The following FBLN2 variants were observed in gnomAD, a reference collection of about 807,000 sequenced individuals.
FBLN2 encodes the protein fibulin-2.
In FBLN2, 81 loss-of-function variants were observed where a neutral mutation model predicts 123.7. The observed-to-expected ratio is 0.65, with a 90% CI of 0.55 to 0.79. The LOEUF (loss-of-function observed/expected upper bound fraction) is 0.79, where lower values mean the gene tolerates loss of function less well. FBLN2 is among the 30% of genes least tolerant of loss of function. The pLI is 0.00. For missense variants in FBLN2, 1,603 were observed against 1,681.3 expected, an observed-to-expected ratio of 0.95 and a Z score of 0.81; for synonymous variants, 699 against 701.4, an observed-to-expected ratio of 1.00 and a Z score of 0.05.
At chr3:13,603,235 AG>A (rs201361135) in intron 2 of FBLN2, among the ~76,000 whole-genome samples, 2 of 101,192 alleles carry the variant, frequency 2.0e-5, no homozygotes, top group Admixed American at 9.0e-5. Context: ...TTTTTTTTTA[AG>A]TTTTTTTTTT....
chr3:13,550,982 C>A (rs1328226114), intron 1 of FBLN2, among the ~76,000 whole-genome samples: 3 of 152,210 alleles, frequency 2.0e-5, no homozygotes, highest in African/African-American at 7.2e-5. Flanking sequence ...TGAAAAGTCA[C>A]AAGGTCTGGT....
At position 13,617,846 on chromosome 3, in the gene FBLN2, A is replaced by G. The variant is rs1453735598; in HGVS notation, c.1730-230A>G. Among the ~76,000 whole-genome samples, 3 of 137,148 alleles carry G rather than the reference A, an allele frequency of 2.2e-5. No individual in the cohort carries two copies. In the Admixed American group the frequency reaches 2.2e-4, roughly 10 times the overall value. The allele number at this position is 137,148 out of a possible 152,430, so 90.0% of individuals were successfully genotyped here. On this transcript the variant is annotated intron_variant, in intron 5 of 17. Coordinates refer to ENST00000404922, the MANE Select transcript of FBLN2 (RefSeq NM_001004019.2). ...CATCCACCCATCCATCTACCCATCC[A>G]TCTATACCCATCCGTCTATCTATTT... is the stretch of plus-strand genomic sequence containing the variant.
intron 2 of FBLN2, among the ~76,000 whole-genome samples, chr3:13,579,498 C>T (rs1471481823): frequency 6.6e-6 from 1 of 152,254 alleles, no homozygotes; most frequent in African/African-American, 2.4e-5. Context: ...GTCAGTGCAA[C>T]TACAAGCATG....
chr3:13,552,014 T>C (rs1426390250), intron 1 of FBLN2, among the ~76,000 whole-genome samples: 1 of 152,166 alleles, frequency 6.6e-6, no homozygotes, highest in Non-Finnish European at 1.5e-5. Flanking sequence ...TAATTTTCTA[T>C]TTTTTGTAGA....
Position 13,570,464 on chromosome 3 carries a change from G to T in FBLN2, c.109G>T (p.Glu37Ter). The T allele has an allele frequency of 6.3e-7, 1 of 1,574,988 alleles. No homozygotes were observed. The highest frequency in any genetic ancestry group is 8.6e-7 in the Non-Finnish European group (1 of 1,161,564). ...AAPRQDCTGV[E>*]CPPLENCIEE... The stretch of plus-strand genomic sequence containing the variant: ...CCCTCGGCAGGACTGCACGGGCGTG[G>T]AGTGCCCGCCGCTGGAGAACTGCAT... Residue 37 changes from glutamate to a stop codon, truncating the protein, a stop_gained, in exon 2 of 18, where the codon GAG becomes TAG. Coordinates refer to ENST00000404922, the MANE Select transcript of FBLN2 (RefSeq NM_001004019.2). LOFTEE classifies it high-confidence loss of function.
At chr3:13,624,669 G>A (rs971882318) in intron 9 of FBLN2, among the ~76,000 whole-genome samples, 2 of 152,320 alleles carry the variant, frequency 1.3e-5, no homozygotes, top group Admixed American at 1.3e-4. Flanking sequence ...CTGAGAAGTG[G>A]CTCTGATGGT....
At chr3:13,628,130 A>T (rs1242710199) in intron 11 of FBLN2, among the ~76,000 whole-genome samples, 161 bp downstream of exon 11, 3 of 152,146 alleles carry the variant, frequency 2.0e-5, no homozygotes, top group African/African-American at 7.2e-5. Flanking sequence ...CAAGTGTTCA[A>T]CCCTGGGGGC....
intron 17 of FBLN2, among the ~76,000 whole-genome samples, chr3:13,636,885 C>T (rs957742937): frequency 5.3e-5 from 8 of 152,232 alleles, no homozygotes; most frequent in African/African-American, 1.9e-4. Flanking sequence ...TACTCTTTGT[C>T]ACGCAGTGTC....
intron 16 of FBLN2, among the ~76,000 whole-genome samples, chr3:13,635,741 T>A (rs1706438368): frequency 6.6e-6 from 1 of 152,190 alleles, no homozygotes; most frequent in Non-Finnish European, 1.5e-5. Context: ...CGCTGCTCCA[T>A]GCAGGCACTC....
rs1418931252 is a variant in FBLN2, at chr3:13,628,949, T to A, written c.2614T>A (p.Phe872Ile). 4 of 1,613,638 alleles carry A rather than the reference T, an allele frequency of 2.5e-6. No homozygotes were observed. The highest frequency in any genetic ancestry group is 3.4e-6 in the Non-Finnish European group (4 of 1,179,776). Residue 872 changes from phenylalanine to isoleucine, a missense_variant, in exon 12 of 18, where the codon TTC becomes ATC. By Grantham distance (21) the Phe-to-Ile change is conservative. Transcript: ENST00000404922. ...ACTGTCCGAGCCATGTCGGCCAGGC[T>A]TCAGCTGCATCAACACGGTGGGCTC... ...TSLSEPCRPG[F>I]SCINTVGSYT...
rs564107763 is a variant in FBLN2, at chr3:13,637,580, G to A, written c.3357G>A (p.Thr1119=). ...CCTGCAGGAAGTGCGAGCGCACCACGTGCCATGACTTCCTGGAGTGCCAGA... is the reference window on the plus strand; with the variant it reads ...CCTGCAGGAAGTGCGAGCGCACCACATGCCATGACTTCCTGGAGTGCCAGA... ...QVSKTKCERT[T]CHDFLECQNS... The change falls in exon 18 of 18, where the codon ACG becomes ACA. Residue 1119 remains threonine (T), a synonymous_variant. Coordinates refer to ENST00000404922, the MANE Select transcript of FBLN2 (RefSeq NM_001004019.2). The A allele has an allele frequency of 2.5e-6, 4 of 1,609,272 alleles. No individual in the cohort carries two copies. The highest frequency in any genetic ancestry group is 2.7e-5 in the African/African-American group (2 of 74,978).
chr3:13,635,027 C>T (rs1706407958), intron 16 of FBLN2, among the ~76,000 whole-genome samples: 1 of 152,184 alleles, frequency 6.6e-6, no homozygotes, highest in South Asian at 2.1e-4. Flanking sequence ...ATTTTGGCAT[C>T]AGGCATGCCT....
At chr3:13,585,461 T>G (rs762899101) in intron 2 of FBLN2, among the ~76,000 whole-genome samples, 2 of 152,184 alleles carry the variant, frequency 1.3e-5, no homozygotes, top group Non-Finnish European at 2.9e-5. Context: ...AGTCAAGCGC[T>G]GCATAATGAC....
At chr3:13,550,112 C>G (rs994410739) in intron 1 of FBLN2, among the ~76,000 whole-genome samples, 1 of 152,224 alleles carries the variant, frequency 6.6e-6, no homozygotes, top group African/African-American at 2.4e-5. Context: ...GTCTCACATA[C>G]GAGTCACAGA....
chr3:13,600,017 CAGAGAGAG>C (rs113759892), intron 2 of FBLN2, among the ~76,000 whole-genome samples: 18,476 of 137,286 alleles, frequency 0.13, 1,387 homozygotes, highest in East Asian at 0.33. Context: ...AAAAACACGA[CAGAGAGAG>C]AGAGAGAGAG....
intron 5 of FBLN2, among the ~76,000 whole-genome samples, chr3:13,615,897 C>CT (rs1481725390): frequency 2.0e-5 from 3 of 152,240 alleles, no homozygotes; most frequent in Admixed American, 6.5e-5. Flanking sequence ...ACCCAGATCT[C>CT]TGTCACTATA....
intron 1 of FBLN2, among the ~76,000 whole-genome samples, chr3:13,554,522 G>A (rs546081191): frequency 6.6e-6 from 1 of 152,190 alleles, no homozygotes. Flanking sequence ...CCACACACAC[G>A]TTCTCTCTTT....
chr3:13,554,380 C>T (rs1451595937), intron 1 of FBLN2, among the ~76,000 whole-genome samples: 1 of 152,222 alleles, frequency 6.6e-6, no homozygotes, highest in African/African-American at 2.4e-5. Context: ...CCCATCCTGG[C>T]CCTGAATTCC....
At chr3:13,620,194 C>G (rs1187582371) in intron 8 of FBLN2, among the ~76,000 whole-genome samples, 2 of 152,074 alleles carry the variant, frequency 1.3e-5, no homozygotes, top group South Asian at 2.1e-4. Flanking sequence ...CCCCAAAGAT[C>G]GAGTCAATAG....
Sources: allele counts gnomAD v4.1 joint callset (sites outside exome capture counted in the v4.1 genomes callset), GRCh38; gene constraint gnomAD v4.1.1; transcripts MANE v1.5; gene names NCBI Gene and HGNC (gene_info 2026-07-23, HGNC 2026-07-21).